FAM227B: variants seen among roughly 807,000 people sequenced by gnomAD.
The protein encoded by FAM227B is protein FAM227B.
In FAM227B, 88 loss-of-function variants were observed where a neutral mutation model predicts 73.8. The ratio of observed to expected loss-of-function variants is 1.19; its 90% confidence interval spans 1.00 to 1.42. The LOEUF (loss-of-function observed/expected upper bound fraction) is 1.42. Among genes scored for constraint, FAM227B ranks in the 40% most tolerant of loss-of-function variants. FAM227B has a pLI of 0.00. For missense variants in FAM227B, 632 were observed against 590.9 expected (o/e 1.07, Z -0.72); for synonymous variants, 210 against 190.5 (o/e 1.10, Z -0.84).
intron 12 of FAM227B, among the ~76,000 whole-genome samples, chr15:49,368,161 G>C (rs975636779): frequency 6.6e-6 from 1 of 151,848 alleles, no homozygotes; most frequent in South Asian, 2.1e-4. Flanking sequence ...CAGTGGGATA[G>C]CATAGAGGTG....
rs144711713 is a variant in FAM227B at position 49,442,122 on chromosome 15, A to G, written c.1012+66089T>C. Among the ~76,000 whole-genome samples, 174 of 151,758 alleles carry G rather than the reference A, an allele frequency of 1.1e-3. 1 individual carries two copies. The highest frequency in any genetic ancestry group is 4.1e-3 in the African/African-American group (171 of 41,486). ...ATAAAGGTATTGTAAGGCTTCTCTC[A>G]GCTCTTCATTAAGAAACTCTATCAT... On this transcript the variant is annotated intron_variant, in intron 11 of 15. Coordinates refer to ENST00000299338, the MANE Select transcript of FAM227B (RefSeq NM_152647.3).
chr15:49,376,973 T>C (rs1405858489), intron 11 of FAM227B, among the ~76,000 whole-genome samples: 3 of 152,086 alleles, frequency 2.0e-5, no homozygotes, highest in Non-Finnish European at 2.9e-5. Context: ...TTATTCATTT[T>C]TTCTAGCTAC....
At chr15:49,397,221 G>A (rs184278650) in intron 11 of FAM227B, among the ~76,000 whole-genome samples, 14 of 152,264 alleles carry the variant, frequency 9.2e-5, no homozygotes, top group East Asian at 5.8e-4. Flanking sequence ...AGGAGCCGAC[G>A]CGATCAACTA....
At chr15:49,467,309 AT>A (rs2054355643) in intron 11 of FAM227B, among the ~76,000 whole-genome samples, 1 of 152,034 alleles carries the variant, frequency 6.6e-6, no homozygotes, top group East Asian at 1.9e-4. Flanking sequence ...TCCCCCTTCA[AT>A]TTCACTCTTA....
intron 13 of FAM227B, among the ~76,000 whole-genome samples, chr15:49,348,863 T>C (rs2151286812): frequency 6.6e-6 from 1 of 152,368 alleles, no homozygotes; most frequent in South Asian, 2.1e-4. Context: ...AGTTTTCTTC[T>C]CTTATTTGAT....
intron 1 of FAM227B, among the ~76,000 whole-genome samples, chr15:49,617,463 A>G (rs1178588969): frequency 6.6e-6 from 1 of 152,236 alleles, no homozygotes; most frequent in East Asian, 1.9e-4. Flanking sequence ...ATAGCTGAAG[A>G]AATCTTCTAG....
Position 49,366,727 on chromosome 15 carries a change from T to C in FAM227B, c.1271+721A>G, listed in dbSNP as rs539620406. ...GGTGGGGTGGCGCGGCGCGGCTCACTAGGTGGGGTAGGCTGGGAGTCCCGC... is the reference window on the plus strand; with the variant it reads ...GGTGGGGTGGCGCGGCGCGGCTCACCAGGTGGGGTAGGCTGGGAGTCCCGC... On this transcript the variant is annotated intron_variant, in intron 13 of 15. Transcript: ENST00000299338. 11 of 1,068,618 alleles carry C rather than the reference T, an allele frequency of 1.0e-5. No homozygotes were observed. In the South Asian group the frequency reaches 1.2e-4, roughly 11 times the overall value. 66.2% of individuals were successfully genotyped at this position (1,068,618 alleles called of 1,614,324 possible). A position where few individuals can be genotyped will look rare whatever the true frequency, so the allele number is the denominator to read the frequency against.
chr15:49,599,243 T>C (rs914682497), intron 3 of FAM227B, among the ~76,000 whole-genome samples: 5 of 152,098 alleles, frequency 3.3e-5, no homozygotes, highest in Admixed American at 2.6e-4. Context: ...TTTCTCATGG[T>C]AGCCTACTAT....
At chr15:49,346,094 T>C (rs1477129155) in intron 13 of FAM227B, among the ~76,000 whole-genome samples, 1 of 151,810 alleles carries the variant, frequency 6.6e-6, no homozygotes, top group Middle Eastern at 3.2e-3. Flanking sequence ...AAAGCCATGC[T>C]GCTGAACACG....
intron 11 of FAM227B, among the ~76,000 whole-genome samples, chr15:49,461,117 C>T (rs1045887082): frequency 3.3e-5 from 5 of 152,098 alleles, no homozygotes; most frequent in African/African-American, 1.2e-4. Flanking sequence ...ATATCTCTTC[C>T]ATCCTGATGA....
chr15:49,379,793 T>C (rs1014501465), intron 11 of FAM227B, among the ~76,000 whole-genome samples: 2 of 152,192 alleles, frequency 1.3e-5, no homozygotes, highest in Non-Finnish European at 2.9e-5. Context: ...GAGTGACACA[T>C]GTACCACTGT....
chr15:49,595,586 T>C (rs1040438904), intron 3 of FAM227B, among the ~76,000 whole-genome samples: 1 of 151,930 alleles, frequency 6.6e-6, no homozygotes, highest in Non-Finnish European at 1.5e-5. Context: ...GGGTTTGACA[T>C]AGCTTTTATT....
chr15:49,387,541 T>C (rs2046958009), intron 11 of FAM227B, among the ~76,000 whole-genome samples: 1 of 151,776 alleles, frequency 6.6e-6, no homozygotes, highest in African/African-American at 2.4e-5. Context: ...TGGGGAAAAG[T>C]TGTAAGCATT....
intron 13 of FAM227B, chr15:49,365,531 C>T: frequency 1.2e-6 from 1 of 857,048 alleles, no homozygotes. Flanking sequence ...CTGATGACTA[C>T]TGGCAATGTT....
intron 11 of FAM227B, among the ~76,000 whole-genome samples, chr15:49,500,348 T>C (rs1246362064): frequency 6.6e-6 from 1 of 152,270 alleles, no homozygotes; most frequent in East Asian, 1.9e-4. Context: ...TGAGAGCAGC[T>C]GTGGGGGCAG....
intron 10 of FAM227B, among the ~76,000 whole-genome samples, chr15:49,516,876 T>C (rs2059412688): frequency 6.6e-6 from 1 of 152,134 alleles, no homozygotes; most frequent in East Asian, 1.9e-4. Flanking sequence ...ACAAGAATCC[T>C]TAAATGTGGA....
rs562419342 is a variant in FAM227B, at chr15:49,608,953, T to A, written c.105+2262A>T. On this transcript the variant is annotated intron_variant, in intron 3 of 15. Transcript: ENST00000299338. Reference sequence around the variant, plus strand: ...ACTTGAAGAACCAAAAAGAATTTTTTAAAGTGTGACAGTAAAGAGAGATGA... The same window carrying A: ...ACTTGAAGAACCAAAAAGAATTTTTAAAAGTGTGACAGTAAAGAGAGATGA... 2.0e-5 allele frequency among the ~76,000 whole-genome samples: 3 copies of A among 151,958 alleles called. No homozygotes were observed. The South Asian group carries it at 6.2e-4, about 31-fold the overall frequency.
chr15:49,489,877 T>TAGAGAGAG (rs1242200877), intron 11 of FAM227B, among the ~76,000 whole-genome samples: 2 of 17,558 alleles, frequency 1.1e-4, no homozygotes, highest in African/African-American at 2.7e-4. Context: ...TATATATATA[T>TAGAGAGAG]ATATATAGAG....
At chr15:49,596,619 C>T (rs1598452858) in intron 3 of FAM227B, among the ~76,000 whole-genome samples, 1 of 151,920 alleles carries the variant, frequency 6.6e-6, no homozygotes, top group East Asian at 1.9e-4. Context: ...AATAGTACCT[C>T]ATATCTCAAT....
Sources: allele counts gnomAD v4.1 joint callset (sites outside exome capture counted in the v4.1 genomes callset), GRCh38; gene constraint gnomAD v4.1.1; transcripts MANE v1.5; gene names NCBI Gene and HGNC (gene_info 2026-07-23, HGNC 2026-07-21).